Variants in ZPBP observed in about 807,000 individuals in gnomAD.
ZPBP encodes zona pellucida binding protein.
In ZPBP, 26 loss-of-function variants were observed where a neutral mutation model predicts 44.8. The observed-to-expected ratio is 0.58, with a 90% CI of 0.43 to 0.81. The LOEUF (loss-of-function observed/expected upper bound fraction) is 0.81. ZPBP is among the 30% of genes least tolerant of loss of function. The pLI is 0.00. For missense variants in ZPBP, 409 were observed against 434.0 expected, an observed-to-expected ratio of 0.94 and a Z score of 0.51; for synonymous variants, 174 against 153.2, an observed-to-expected ratio of 1.14 and a Z score of -1.00.
chr7:50,032,199 G>C (rs1018865640), intron 4 of ZPBP, among the ~76,000 whole-genome samples: 3 of 152,114 alleles, frequency 2.0e-5, no homozygotes, highest in Non-Finnish European at 2.9e-5. Context: ...TTCTGAACAG[G>C]AATTCTAACA....
rs1791354402 is a variant in ZPBP at position 49,875,294 on chromosome 7, C to T, written n.510-24780G>A. ...CTGAGGCAGGAGAATCGCCTGAACC[C>T]AGGAGATGGAGGTTGCAGTGAGCCA... On this transcript the variant is annotated intron_variant and non_coding_transcript_variant, in intron 2 of 2. Coordinates refer to the ZPBP transcript ENST00000465922. 3.1e-5 allele frequency among the ~76,000 whole-genome samples: 4 copies of T among 127,294 alleles called. No homozygotes were observed. The South Asian group carries it at 7.7e-4, about 25-fold the overall frequency. The allele number at this position is 127,294 out of a possible 152,430, so 83.5% of individuals were successfully genotyped here.
intron 2 of ZPBP, among the ~76,000 whole-genome samples, chr7:49,891,470 C>A (rs930429675): frequency 6.6e-6 from 1 of 152,090 alleles, no homozygotes; most frequent in Admixed American, 6.5e-5. Context: ...AAGGACTTGA[C>A]AACCAGTAGA....
intron 7 of ZPBP, among the ~76,000 whole-genome samples, chr7:49,946,393 C>T (rs1344556048): frequency 1.3e-5 from 2 of 151,940 alleles, no homozygotes; most frequent in African/African-American, 4.8e-5. Context: ...TGATGAAATC[C>T]CTCAGCTTTT....
At chr7:49,854,075 T>C (rs1170378178) in intron 2 of ZPBP, among the ~76,000 whole-genome samples, 1 of 152,092 alleles carries the variant, frequency 6.6e-6, no homozygotes, top group Non-Finnish European at 1.5e-5. Context: ...TAGTATTCCA[T>C]GGTGTATATG....
At chr7:49,954,202 T>C (rs1226910614) in intron 7 of ZPBP, among the ~76,000 whole-genome samples, 1 of 152,110 alleles carries the variant, frequency 6.6e-6, no homozygotes, top group Non-Finnish European at 1.5e-5. Flanking sequence ...GAAATACTAG[T>C]CTCTTCCACA....
At chr7:50,085,807 T>A (rs1562618576) in intron 2 of ZPBP, among the ~76,000 whole-genome samples, 1 of 152,126 alleles carries the variant, frequency 6.6e-6, no homozygotes, top group Non-Finnish European at 1.5e-5. Context: ...GGGAATGTCA[T>A]ATCCACAGGA....
chr7:50,072,801 C>T lies in ZPBP; in HGVS notation c.334+8973G>A, dbSNP rs1480333006. On this transcript the variant is annotated intron_variant, in intron 3 of 7. Coordinates refer to ENST00000046087, the MANE Select transcript of ZPBP (RefSeq NM_007009.3). Reference sequence around the variant, plus strand: ...AGCTTGAGGTGTCTCCTAAAACAGACACAATTTACATCATAACATCCAAGT... The same window carrying T: ...AGCTTGAGGTGTCTCCTAAAACAGATACAATTTACATCATAACATCCAAGT... 5.3e-5 allele frequency among the ~76,000 whole-genome samples: 8 copies of T among 152,320 alleles called. No individual in the cohort carries two copies. In the East Asian group the frequency reaches 1.4e-3, roughly 26 times the overall value.
intron 6 of ZPBP, among the ~76,000 whole-genome samples, chr7:49,992,691 A>G (rs1004987783): frequency 2.0e-5 from 3 of 152,180 alleles, no homozygotes; most frequent in Admixed American, 6.5e-5. Context: ...CATAAAATGC[A>G]TTTATTGCAA....
the ZPBP span, among the ~76,000 whole-genome samples, chr7:49,842,113 C>T: frequency 2.0e-5 from 3 of 152,140 alleles, no homozygotes; most frequent in African/African-American, 7.2e-5. Flanking sequence ...GGTGATCCAC[C>T]CTCCTCAACC....
intron 2 of ZPBP, among the ~76,000 whole-genome samples, chr7:49,895,336 T>C (rs988441615): frequency 5.9e-5 from 9 of 152,136 alleles, no homozygotes; most frequent in African/African-American, 2.2e-4. Flanking sequence ...TACTATCACA[T>C]TGTTGATTAA....
At chr7:49,907,951 T>A (rs1165087719) in intron 1 of ZPBP, among the ~76,000 whole-genome samples, 1 of 152,184 alleles carries the variant, frequency 6.6e-6, no homozygotes, top group African/African-American at 2.4e-5. Context: ...AGACTCTTCA[T>A]TAATTCTCTC....
intron 6 of ZPBP, among the ~76,000 whole-genome samples, chr7:49,989,403 GA>G (rs1244130954): frequency 6.6e-6 from 1 of 152,198 alleles, no homozygotes; most frequent in Non-Finnish European, 1.5e-5. Context: ...CTTGGCTTTA[GA>G]AAGTCCTATC....
At chr7:50,036,625 T>C (rs1003074959) in intron 4 of ZPBP, among the ~76,000 whole-genome samples, 5 of 152,058 alleles carry the variant, frequency 3.3e-5, no homozygotes, top group African/African-American at 1.2e-4. Flanking sequence ...ACAAATAAAA[T>C]AGTACTAAAT....
chr7:49,945,631 A>AT (rs921090040), intron 7 of ZPBP, among the ~76,000 whole-genome samples: 282 of 145,816 alleles, frequency 1.9e-3, no homozygotes, highest in Non-Finnish European at 2.0e-3. Flanking sequence ...CTTGAAATCT[A>AT]TTTTTTTTTT....
chr7:50,046,345 T>A (rs1800359478), intron 4 of ZPBP, among the ~76,000 whole-genome samples: 1 of 151,804 alleles, frequency 6.6e-6, no homozygotes, highest in Non-Finnish European at 1.5e-5. Context: ...TAAACTATCA[T>A]CAGAGTGAAC....
intron 2 of ZPBP, among the ~76,000 whole-genome samples, chr7:49,881,254 T>G (rs1457971913): frequency 6.6e-6 from 1 of 152,144 alleles, no homozygotes; most frequent in Non-Finnish European, 1.5e-5. Flanking sequence ...TTTCCAGTTC[T>G]TTTGTTCCAT....
At chr7:50,082,217 A>G (rs1802400676) in intron 2 of ZPBP, among the ~76,000 whole-genome samples, 1 of 151,896 alleles carries the variant, frequency 6.6e-6, no homozygotes, top group African/African-American at 2.4e-5. Context: ...TTTCAATAAC[A>G]AAGTATTAAG....
At chr7:49,892,701 G>GATC (rs1792195414) in intron 2 of ZPBP, among the ~76,000 whole-genome samples, 1 of 152,196 alleles carries the variant, frequency 6.6e-6, no homozygotes, top group South Asian at 2.1e-4. Context: ...AAGCCCCAGG[G>GATC]ATCTGCCTCT....
At chr7:49,925,096 T>G (rs759858701) in intron 1 of ZPBP, among the ~76,000 whole-genome samples, 36 of 152,190 alleles carry the variant, frequency 2.4e-4, no homozygotes, top group Non-Finnish European at 3.4e-4. Flanking sequence ...TCCTGACCCC[T>G]GTTTGGTAGT....
Sources: gnomAD v4.1 joint callset for allele counts (sites outside exome capture counted in the v4.1 genomes callset) on GRCh38, gnomAD v4.1.1 for gene constraint, MANE v1.5 for transcripts, NCBI Gene and HGNC (gene_info 2026-07-23, HGNC 2026-07-21) for gene names.